The following LYRM4 variants were observed in gnomAD, a reference collection of about 807,000 sequenced individuals.
The protein encoded by LYRM4 is LYR motif-containing protein 4.
A neutral mutation model predicts 11.7 loss-of-function variants in LYRM4; 9 were observed. The observed-to-expected ratio is 0.77, with a 90% CI of 0.46 to 1.34. The LOEUF is 1.34. LYRM4 is among the 40% of genes most tolerant of loss of function. The pLI, the probability that LYRM4 is intolerant of heterozygous loss-of-function variation, is 0.00. For synonymous variants in LYRM4, 42 were observed against 40.4 expected, an observed-to-expected ratio of 1.04 and a Z score of -0.15; for missense variants, 133 against 112.5, an observed-to-expected ratio of 1.18 and a Z score of -0.82.
At chr6:5,122,576 C>T (rs1471977070) in intron 2 of LYRM4, among the ~76,000 whole-genome samples, 3 of 152,166 alleles carry the variant, frequency 2.0e-5, no homozygotes, top group East Asian at 1.9e-4. Flanking sequence ...GAACAACATC[C>T]CTTGATGAGA....
At chr6:5,210,007 C>CT (rs1483623866) in intron 2 of LYRM4, among the ~76,000 whole-genome samples, 1 of 152,172 alleles carries the variant, frequency 6.6e-6, no homozygotes, top group Admixed American at 6.5e-5. Context: ...AGGAAGAAGG[C>CT]TAACAGCAGA....
At chr6:5,148,228 A>T (rs1270181539) in intron 2 of LYRM4, 1 of 152,992 alleles carries the variant, frequency 6.5e-6, no homozygotes, top group African/African-American at 2.4e-5. Flanking sequence ...TGGCTCCCAG[A>T]CCGTTTGAGG....
intron 1 of LYRM4, among the ~76,000 whole-genome samples, chr6:5,247,256 G>A (rs1438172249): frequency 6.6e-6 from 1 of 152,160 alleles, no homozygotes; most frequent in Non-Finnish European, 1.5e-5. Context: ...CCACAGTGCT[G>A]GAAGCTTTTG....
chr6:5,101,964 C>CTTGCTTTTTTTTTTTTTTTTTTTTTTT (rs1762511972), downstream of LYRM4, among the ~76,000 whole-genome samples: 1 of 36,198 alleles, frequency 2.8e-5, no homozygotes, highest in Non-Finnish European at 6.8e-5. Context: ...CCAACTAATG[C>CTTGCTTTTTTTTTTTTTTTTTTTTTTT]TTTCTTTTTT....
intron 2 of LYRM4, among the ~76,000 whole-genome samples, chr6:5,193,379 T>C (rs2773288): frequency 0.83 from 126,428 of 152,178 alleles, 53,025 homozygotes; most frequent in African/African-American, 0.96. Context: ...AGCTTGCTAG[T>C]CATCCAGTTG....
At chr6:5,050,273 A>G in the LYRM4 span, among the ~76,000 whole-genome samples, 1 of 152,258 alleles carries the variant, frequency 6.6e-6, no homozygotes, top group African/African-American at 2.4e-5. Context: ...CCAGCCAGGC[A>G]AACAGCTATG....
chr6:5,159,509 G>A (rs1035666104), intron 2 of LYRM4, among the ~76,000 whole-genome samples: 1 of 152,226 alleles, frequency 6.6e-6, no homozygotes, highest in Non-Finnish European at 1.5e-5. Context: ...AGAGGCCACT[G>A]GTGACCCTGC....
At chr6:5,245,690 C>T (rs1240007828) in intron 1 of LYRM4, among the ~76,000 whole-genome samples, 2 of 152,170 alleles carry the variant, frequency 1.3e-5, no homozygotes, top group Non-Finnish European at 2.9e-5. Flanking sequence ...GGCCAGAGAA[C>T]CATGATTCAG....
At position 5,211,773 on chromosome 6, in the gene LYRM4, C is replaced by T. The variant is rs147889989; in HGVS notation, c.207+4845G>A. On this transcript the variant is annotated intron_variant, in intron 2 of 2. Transcript: ENST00000330636. The stretch of plus-strand genomic sequence containing the variant: ...ACACATCCAGTTTATCTTCTTACTG[C>T]ACAATTATGTACTATAGTAACAATA... Among the ~76,000 whole-genome samples the T allele has an allele frequency of 1.3e-3, 192 of 152,310 alleles. 1 individual carries two copies. Among genetic ancestry groups the T allele is most frequent in the African/African-American group, 4.3e-3 (178 of 41,578 alleles).
intron 2 of LYRM4, among the ~76,000 whole-genome samples, chr6:5,134,520 T>C (rs1166644139): frequency 6.6e-6 from 1 of 152,256 alleles, no homozygotes; most frequent in Non-Finnish European, 1.5e-5. Flanking sequence ...ATTTTGTTAG[T>C]TATGATAACG....
chr6:5,257,930 T>C lies in LYRM4; in HGVS notation c.86+2718A>G, dbSNP rs529148823. Among the ~76,000 whole-genome samples the C allele has an allele frequency of 6.6e-5, 10 of 152,234 alleles. No homozygotes were observed. The South Asian group carries it at 2.1e-3, about 32-fold the overall frequency. On this transcript the variant is annotated intron_variant, in intron 1 of 2. Coordinates refer to ENST00000330636, the MANE Select transcript of LYRM4 (RefSeq NM_020408.6). ...AATGACACACAGCAATGAGACCTGT[T>C]TGGCTGGTGGGAGGGATGGGAGTGG...
At chr6:5,167,915 C>T (rs564686243) in intron 2 of LYRM4, among the ~76,000 whole-genome samples, 8 of 149,698 alleles carry the variant, frequency 5.3e-5, no homozygotes, top group African/African-American at 2.0e-4. Context: ...CGGGAAAAGA[C>T]AAAGGAAAAA....
intron 1 of LYRM4, 43 bp downstream of exon 1, chr6:5,260,605 C>CCCCGGG: frequency 6.1e-6 from 5 of 822,286 alleles, no homozygotes; most frequent in Non-Finnish European, 9.7e-6. Flanking sequence ...CGGTCCCCGG[C>CCCCGGG]CCCTGGCCCC....
intron 2 of LYRM4, among the ~76,000 whole-genome samples, chr6:5,205,514 G>T (rs114817059): frequency 1.3e-5 from 2 of 150,126 alleles, no homozygotes; most frequent in African/African-American, 5.0e-5. Context: ...GCCAGGGAGA[G>T]AAAAAAGTAT....
At chr6:5,237,309 C>G (rs895331879) in intron 1 of LYRM4, among the ~76,000 whole-genome samples, 1 of 151,974 alleles carries the variant, frequency 6.6e-6, no homozygotes, top group Non-Finnish European at 1.5e-5. Flanking sequence ...CTATTGTGAA[C>G]TGCGCATGCG....
chr6:5,035,310 C>T, the LYRM4 span, among the ~76,000 whole-genome samples: 6 of 151,882 alleles, frequency 4.0e-5, no homozygotes, highest in African/African-American at 1.5e-4. Flanking sequence ...GAGGTGCCCT[C>T]TCCTCTCCAT....
chr6:5,119,180 A>C (rs1297214700), intron 2 of LYRM4, among the ~76,000 whole-genome samples: 1 of 152,124 alleles, frequency 6.6e-6, no homozygotes, highest in African/African-American at 2.4e-5. Context: ...TCGGCCTCTT[A>C]TTTCCTCTGT....
chr6:5,072,005 C>T, the LYRM4 span, among the ~76,000 whole-genome samples: 2 of 152,114 alleles, frequency 1.3e-5, no homozygotes, highest in African/African-American at 2.4e-5. Context: ...ACTGACCCAG[C>T]GTGTGTTTTT....
chr6:5,141,626 A>G (rs1175385015), intron 2 of LYRM4, among the ~76,000 whole-genome samples: 2 of 152,226 alleles, frequency 1.3e-5, no homozygotes, highest in African/African-American at 4.8e-5. Context: ...TTCATTTTAC[A>G]GAGCAGGAAA....
Sources: gnomAD v4.1 joint callset for allele counts (sites outside exome capture counted in the v4.1 genomes callset) on GRCh38, gnomAD v4.1.1 for gene constraint, MANE v1.5 for transcripts, NCBI Gene and HGNC (gene_info 2026-07-23, HGNC 2026-07-21) for gene names.